RAD21: variants seen among roughly 807,000 people sequenced by gnomAD.
RAD21 encodes the protein double-strand-break repair protein rad21 homolog.
In RAD21, 18 loss-of-function variants were observed where a neutral mutation model predicts 71.5. That is an observed-to-expected ratio of 0.25 (90% confidence interval 0.17 to 0.37). The LOEUF (loss-of-function observed/expected upper bound fraction) is 0.37. Ranked by LOEUF, RAD21 falls within the 10% of genes least tolerant of loss-of-function variation. RAD21 has a pLI of 1.00. For missense variants in RAD21, 493 were observed against 769.1 expected (o/e 0.64, Z 4.25); for synonymous variants, 248 against 254.0 (o/e 0.98, Z 0.22).
At chr8:116,872,567 T>C (rs541091086) in intron 1 of RAD21, among the ~76,000 whole-genome samples, 48 of 142,498 alleles carry the variant, frequency 3.4e-4, no homozygotes, top group South Asian at 4.6e-4. Context: ...CACACACACA[T>C]ATTTTAACTC....
intron 4 of RAD21, 50 bp downstream of exon 4, chr8:116,861,791 C>A (rs1221850499): frequency 7.4e-7 from 1 of 1,356,842 alleles, no homozygotes; most frequent in African/African-American, 1.4e-5. Flanking sequence ...GCTAATACTA[C>A]TGCTTATTGC....
chr8:116,871,392 A>T (rs1812820561), intron 1 of RAD21, among the ~76,000 whole-genome samples: 2 of 152,224 alleles, frequency 1.3e-5, no homozygotes, highest in Admixed American at 1.3e-4. Context: ...TTAAAGTCTG[A>T]TGTGAAACAG....
chr8:116,854,891 A>G (rs977897786), intron 8 of RAD21, among the ~76,000 whole-genome samples: 14 of 152,168 alleles, frequency 9.2e-5, no homozygotes, highest in African/African-American at 3.4e-4. Flanking sequence ...TTTTTATTAG[A>G]AAAGTTGTAA....
intron 9 of RAD21, among the ~76,000 whole-genome samples, chr8:116,854,036 T>C (rs1229812434): frequency 6.7e-6 from 1 of 148,610 alleles, no homozygotes; most frequent in Admixed American, 6.6e-5. Context: ...TAAGGAAAAT[T>C]CATTTTACAT....
intron 3 of RAD21, 54 bp downstream of exon 3, chr8:116,863,076 T>C (rs1266069727): frequency 2.6e-6 from 4 of 1,548,408 alleles, no homozygotes; most frequent in Admixed American, 3.7e-5. Context: ...ACAAAAAACA[T>C]GAGAAACTCC....
At chr8:116,848,873 CTT>C (rs745420178) in intron 13 of RAD21, 71 bp downstream of exon 13, 81 of 1,011,572 alleles carry the variant, frequency 8.0e-5, no homozygotes, top group South Asian at 1.6e-4. Flanking sequence ...CAGCATCTAA[CTT>C]TTTTTTTTTC....
chr8:116,858,548 T>C, intron 4 of RAD21, 90 bp from the exon 5 acceptor site: 3 of 973,162 alleles, frequency 3.1e-6, no homozygotes, highest in Non-Finnish European at 4.6e-6. Flanking sequence ...ATTAAAAAAA[T>C]ATATATGTAT....
chr8:116,846,303 C>T lies in RAD21; in HGVS notation c.*1197G>A, dbSNP rs1420934478. On this transcript the variant is annotated 3_prime_UTR_variant, in exon 14 of 14. Coordinates refer to ENST00000297338, the MANE Select transcript of RAD21 (RefSeq NM_006265.3). ...TGAGTTTCAAAAGTGATTTTTTTTT[C>T]CCACAAAAGTTTCAACACTTAAGCT... 5 of 230,310 alleles carry T rather than the reference C, an allele frequency of 2.2e-5. No individual in the cohort carries two copies. The highest frequency in any genetic ancestry group is 8.8e-5 in the African/African-American group (4 of 45,250). The allele number at this position is 230,310 out of a possible 1,614,324, so 14.3% of individuals were successfully genotyped here.
At chr8:116,856,347 C>T (rs551032606) in intron 7 of RAD21, 59 bp from the exon 8 acceptor site, 83 of 1,372,130 alleles carry the variant, frequency 6.0e-5, no homozygotes, top group Middle Eastern at 1.9e-4. Flanking sequence ...TAACATATAT[C>T]CCACAAATGG....
intron 1 of RAD21, among the ~76,000 whole-genome samples, chr8:116,870,979 A>G (rs370242299): frequency 6.6e-6 from 1 of 152,192 alleles, no homozygotes; most frequent in South Asian, 2.1e-4. Flanking sequence ...AGAGATTCCT[A>G]AACAGAAGCC....
chr8:116,848,886 A>G, intron 13 of RAD21, 60 bp downstream of exon 13: 1 of 1,376,614 alleles, frequency 7.3e-7, no homozygotes. Context: ...TTTTTTTTTC[A>G]GGGAACAATG....
At chr8:116,852,889 T>A (rs982489970) in intron 9 of RAD21, among the ~76,000 whole-genome samples, 181 bp from the exon 10 acceptor site, 5 of 152,202 alleles carry the variant, frequency 3.3e-5, no homozygotes, top group Non-Finnish European at 5.9e-5. Context: ...TTTCAAATTA[T>A]AACTGCAGAC....
chr8:116,865,879 T>G (rs1812679840), intron 2 of RAD21, among the ~76,000 whole-genome samples: 1 of 152,094 alleles, frequency 6.6e-6, no homozygotes, highest in Admixed American at 6.6e-5. Context: ...CAGATAATCT[T>G]CCCCACAATT....
intron 3 of RAD21, 69 bp downstream of exon 3, chr8:116,863,061 G>A: frequency 6.6e-7 from 1 of 1,521,220 alleles, no homozygotes; most frequent in Non-Finnish European, 8.9e-7. Context: ...TTTAGCTACA[G>A]TAACACAAAA....
chr8:116,854,780 A>G (rs1466963271), intron 8 of RAD21, among the ~76,000 whole-genome samples: 2 of 152,206 alleles, frequency 1.3e-5, no homozygotes, highest in Non-Finnish European at 2.9e-5. Context: ...AACAATGAAC[A>G]TATCACACTC....
At chr8:116,869,847 C>A (rs995085008) in intron 1 of RAD21, among the ~76,000 whole-genome samples, 2 of 152,148 alleles carry the variant, frequency 1.3e-5, no homozygotes, top group African/African-American at 2.4e-5. Context: ...CTAAAAGATA[C>A]AGAGTAATTA....
chr8:116,871,059 A>C (rs1812812274), intron 1 of RAD21, among the ~76,000 whole-genome samples: 1 of 152,188 alleles, frequency 6.6e-6, no homozygotes, highest in South Asian at 2.1e-4. Context: ...AATTAGCAAG[A>C]GGAAATCACT....
At chr8:116,854,662 G>C (rs3020181) in intron 8 of RAD21, among the ~76,000 whole-genome samples, 194 bp from the exon 9 acceptor site, 6 of 151,906 alleles carry the variant, frequency 3.9e-5, no homozygotes, top group African/African-American at 1.2e-4. Flanking sequence ...GGAACACAAC[G>C]GGCATTCAAC....
chr8:116,856,475 G>A (rs1387021277), intron 7 of RAD21, among the ~76,000 whole-genome samples, 171 bp downstream of exon 7: 1 of 152,078 alleles, frequency 6.6e-6, no homozygotes, highest in African/African-American at 2.4e-5. Flanking sequence ...AAAAAAATGG[G>A]GAGGGGTGCA....
Sources: allele counts gnomAD v4.1 joint callset (sites outside exome capture counted in the v4.1 genomes callset), GRCh38; gene constraint gnomAD v4.1.1; transcripts MANE v1.5; gene names NCBI Gene and HGNC (gene_info 2026-07-23, HGNC 2026-07-21).